TAMM41: variants seen among roughly 807,000 people sequenced by gnomAD.
TAMM41 encodes phosphatidate cytidylyltransferase, mitochondrial.
Under a neutral mutation model 44.1 loss-of-function variants are expected in TAMM41, and 36 were observed. The observed-to-expected ratio is 0.82, with a 90% CI of 0.63 to 1.08. The LOEUF is 1.08. Ranked by LOEUF, TAMM41 falls within the 50% of genes least tolerant of loss-of-function variation. TAMM41 has a pLI of 0.00. For synonymous variants in TAMM41, 164 were observed against 153.1 expected, an observed-to-expected ratio of 1.07 and a Z score of -0.53; for missense variants, 417 against 404.3, an observed-to-expected ratio of 1.03 and a Z score of -0.27.
chr3:11,740,803 T>C, the TAMM41 span, among the ~76,000 whole-genome samples: 2,127 of 140,724 alleles, frequency 0.015, 45 homozygotes, highest in African/African-American at 0.057. Flanking sequence ...TGACCTCAGG[T>C]GATCCGGCTG....
At chr3:11,731,551 C>T in the TAMM41 span, among the ~76,000 whole-genome samples, 2 of 152,080 alleles carry the variant, frequency 1.3e-5, no homozygotes, top group African/African-American at 4.8e-5. Context: ...CTACTTTAGA[C>T]CAAAAAGAAA....
chr3:11,770,163 C>A, the TAMM41 span, among the ~76,000 whole-genome samples: 1 of 152,192 alleles, frequency 6.6e-6, no homozygotes, highest in African/African-American at 2.4e-5. Flanking sequence ...GAAGCAGGTG[C>A]CTCTTCTGGC....
the TAMM41 span, among the ~76,000 whole-genome samples, chr3:11,753,576 T>TA: frequency 1.4e-3 from 192 of 141,270 alleles, no homozygotes; most frequent in Non-Finnish European, 1.7e-3. Context: ...TAAAAAAAAA[T>TA]AAAAAATAAA....
chr3:11,790,853 T>A (rs764036347), intron 7 of TAMM41, among the ~76,000 whole-genome samples: 2 of 152,228 alleles, frequency 1.3e-5, no homozygotes, highest in Non-Finnish European at 2.9e-5. Flanking sequence ...GTTATGAACA[T>A]ATTGGCAGCC....
chr3:11,755,873 T>C, the TAMM41 span, among the ~76,000 whole-genome samples: 3 of 152,362 alleles, frequency 2.0e-5, no homozygotes, highest in African/African-American at 7.2e-5. Flanking sequence ...ACTTCCTCCC[T>C]GAGCTTTCTC....
rs140931066 is a variant in TAMM41 at position 11,821,891 on chromosome 3, T to C, written c.563-4554A>G. ...AAAATACCCCCAAACCTGGAAACCT[T>C]TTGAGCACTGGCAGGACACCACAAG... On this transcript the variant is annotated intron_variant, in intron 4 of 7. Coordinates refer to ENST00000455809, the MANE Select transcript of TAMM41 (RefSeq NM_001284401.2). Among the ~76,000 whole-genome samples the C allele has an allele frequency of 3.3e-3, 498 of 152,244 alleles. 3 individuals carry two copies. Among genetic ancestry groups the C allele is most frequent in the African/African-American group, 0.012 (482 of 41,534 alleles).
intron 5 of TAMM41, among the ~76,000 whole-genome samples, chr3:11,812,571 TC>T (rs2078123045): frequency 6.6e-6 from 1 of 152,066 alleles, no homozygotes. Context: ...GGTCTAGAGG[TC>T]CCAGTTCCCA....
At chr3:11,766,689 C>T in the TAMM41 span, among the ~76,000 whole-genome samples, 1 of 151,944 alleles carries the variant, frequency 6.6e-6, no homozygotes, top group African/African-American at 2.4e-5. Flanking sequence ...GCCTCAGCCT[C>T]CCTTGTAGCT....
At chr3:11,833,113 T>G in intron 3 of TAMM41, 2 of 1,283,634 alleles carry the variant, frequency 1.6e-6, no homozygotes, top group Non-Finnish European at 2.0e-6. Context: ...TTGTTCAGAG[T>G]GAAAAGCCAG....
intron 5 of TAMM41, among the ~76,000 whole-genome samples, chr3:11,813,340 G>C (rs2078149840): frequency 6.6e-6 from 1 of 152,110 alleles, no homozygotes. Context: ...GACTAGCTTG[G>C]CCAATATGGT....
chr3:11,776,671 C>T, the TAMM41 span, among the ~76,000 whole-genome samples: 1 of 152,146 alleles, frequency 6.6e-6, no homozygotes, highest in Non-Finnish European at 1.5e-5. Flanking sequence ...TGCCTGACAA[C>T]GCATTTCTCA....
At chr3:11,752,872 C>G in the TAMM41 span, among the ~76,000 whole-genome samples, 1 of 150,642 alleles carries the variant, frequency 6.6e-6, no homozygotes, top group African/African-American at 2.4e-5. Context: ...CCAGGCTGGT[C>G]TTGAACTCCT....
the TAMM41 span, among the ~76,000 whole-genome samples, chr3:11,745,195 G>A: frequency 6.6e-6 from 1 of 152,152 alleles, no homozygotes; most frequent in African/African-American, 2.4e-5. Flanking sequence ...GCCAGGTGTG[G>A]TGGTGCACAC....
chr3:11,750,022 G>A, the TAMM41 span, among the ~76,000 whole-genome samples: 852 of 150,368 alleles, frequency 5.7e-3, 2 homozygotes, highest in Non-Finnish European at 9.3e-3. Flanking sequence ...TCAGCCTCCC[G>A]AGTAGCTGGG....
chr3:11,844,331 T>C (rs2079578356), intron 1 of TAMM41, 120 bp from the exon 2 acceptor site: 1 of 910,370 alleles, frequency 1.1e-6, no homozygotes, highest in South Asian at 1.8e-5. Flanking sequence ...CCTGGTGCTG[T>C]CATCAGAAAT....
chr3:11,824,141 T>A (rs1476651029), intron 4 of TAMM41, among the ~76,000 whole-genome samples: 1 of 151,726 alleles, frequency 6.6e-6, no homozygotes, highest in Non-Finnish European at 1.5e-5. Context: ...CATTGTATTT[T>A]AAAAATTCTT....
intron 1 of TAMM41, among the ~76,000 whole-genome samples, chr3:11,846,051 T>G (rs909080673): frequency 6.6e-6 from 1 of 152,266 alleles, no homozygotes; most frequent in African/African-American, 2.4e-5. Flanking sequence ...CAAACTTGGC[T>G]GCGCATTAGA....
the TAMM41 span, among the ~76,000 whole-genome samples, chr3:11,753,598 G>A: frequency 1.3e-4 from 20 of 151,436 alleles, no homozygotes; most frequent in African/African-American, 3.4e-4. Flanking sequence ...AAAAGTGGGC[G>A]TGGTGGCGGG....
At chr3:11,731,886 T>TC in the TAMM41 span, among the ~76,000 whole-genome samples, 9 of 151,788 alleles carry the variant, frequency 5.9e-5, no homozygotes, top group African/African-American at 2.2e-4. Flanking sequence ...CATTTTTTTT[T>TC]TTTTTTGAGA....
Sources: allele counts gnomAD v4.1 joint callset (sites outside exome capture counted in the v4.1 genomes callset), GRCh38; gene constraint gnomAD v4.1.1; transcripts MANE v1.5; gene names NCBI Gene and HGNC (gene_info 2026-07-23, HGNC 2026-07-21).